PRSS23: variants seen among roughly 807,000 people sequenced by gnomAD.
PRSS23 encodes serine protease 23.
A neutral mutation model predicts 34.7 loss-of-function variants in PRSS23; 25 were observed. The ratio of observed to expected loss-of-function variants is 0.72; its 90% confidence interval spans 0.53 to 1.01. PRSS23 has a LOEUF of 1.01. Among genes scored for constraint, PRSS23 ranks in the 50% least tolerant of loss-of-function variants. The pLI is 0.00. For missense variants in PRSS23, 445 were observed against 475.6 expected (o/e 0.94, Z 0.60); for synonymous variants, 176 against 186.6 (o/e 0.94, Z 0.46).
At chr11:86,939,735 C>G (rs994919519) in intron 2 of PRSS23, among the ~76,000 whole-genome samples, 1 of 137,486 alleles carries the variant, frequency 7.3e-6, no homozygotes, top group African/African-American at 2.7e-5. Context: ...GATGTAAATC[C>G]AAAAGGAAGG....
intron 2 of PRSS23, among the ~76,000 whole-genome samples, chr11:86,840,374 C>G (rs1018296496): frequency 2.0e-5 from 3 of 152,082 alleles, no homozygotes; most frequent in African/African-American, 7.2e-5. Context: ...CAAAGAAGGC[C>G]ACTACATAAT....
At chr11:86,870,220 C>T (rs1175159575) in intron 2 of PRSS23, among the ~76,000 whole-genome samples, 1 of 150,938 alleles carries the variant, frequency 6.6e-6, no homozygotes, top group Non-Finnish European at 1.5e-5. Flanking sequence ...TGTGCCTTGG[C>T]GCTACAGAGA....
At chr11:86,950,847 G>A (rs1377290461) in intron 2 of PRSS23, 8 of 468,138 alleles carry the variant, frequency 1.7e-5, no homozygotes, top group Admixed American at 3.3e-5. Context: ...TGGAATCTAG[G>A]CAGGACCTCC....
At chr11:86,936,084 T>G (rs1949159977) in intron 2 of PRSS23, 1 of 152,092 alleles carries the variant, frequency 6.6e-6, no homozygotes, top group African/African-American at 2.4e-5. Flanking sequence ...CATAGCAATT[T>G]GCAGGCCCAG....
intron 2 of PRSS23, chr11:86,832,983 G>T (rs1948372210): frequency 1.5e-5 from 6 of 401,136 alleles, no homozygotes; most frequent in South Asian, 1.3e-4. Flanking sequence ...AAATTGTGCA[G>T]CTGGGAGTCT....
In PRSS23 at chr11:86,807,660, G is replaced by A; in HGVS notation, c.17G>A (p.Gly6Glu). The A allele has an allele frequency of 6.2e-7, 1 of 1,610,546 alleles. No individual in the cohort carries two copies. The highest frequency in any genetic ancestry group is 8.5e-7 in the Non-Finnish European group (1 of 1,177,776). ...GTGCTCGGCATGGCAGGGATTCCAG[G>A]GCTCCTCTTCCTTCTCTTCTTTCTG... is the stretch of plus-strand genomic sequence containing the variant. MAGIP[G>E]LLFLLFFLLC... Residue 6 changes from glycine (G) to glutamate (E), a missense_variant, in exon 2 of 2, where the codon GGG becomes GAG. Coordinates refer to ENST00000280258, the MANE Select transcript of PRSS23 (RefSeq NM_007173.6).
At chr11:86,816,641 G>A (rs1185667295) in intron 1 of PRSS23, among the ~76,000 whole-genome samples, 2 of 152,184 alleles carry the variant, frequency 1.3e-5, no homozygotes, top group African/African-American at 4.8e-5. Context: ...CTGTGGATAA[G>A]GCATTCTGGG....
chr11:86,882,783 C>T (rs759429434), intron 2 of PRSS23, among the ~76,000 whole-genome samples: 1 of 152,204 alleles, frequency 6.6e-6, no homozygotes, highest in Admixed American at 6.5e-5. Context: ...GCCACATTGT[C>T]TTCCACAATG....
intron 1 of PRSS23, among the ~76,000 whole-genome samples, chr11:86,807,395 TAGAA>T (rs1948113688): frequency 6.6e-6 from 1 of 152,114 alleles, no homozygotes; most frequent in Non-Finnish European, 1.5e-5. Context: ...ATCTTAAACA[TAGAA>T]AGGAAGGAAC....
chr11:86,904,681 A>C (rs1948931009), intron 2 of PRSS23, among the ~76,000 whole-genome samples: 1 of 152,124 alleles, frequency 6.6e-6, no homozygotes, highest in Admixed American at 6.6e-5. Flanking sequence ...TATTACACTA[A>C]ACTCTGCCAT....
chr11:86,823,805 G>A (rs2134877091), intron 2 of PRSS23, among the ~76,000 whole-genome samples: 1 of 152,058 alleles, frequency 6.6e-6, no homozygotes, highest in African/African-American at 2.4e-5. Context: ...AGGAGATCGA[G>A]ACCATCCTGG....
chr11:86,833,705 A>G (rs563536874), intron 2 of PRSS23, among the ~76,000 whole-genome samples: 1 of 152,144 alleles, frequency 6.6e-6, no homozygotes, highest in Admixed American at 6.5e-5. Flanking sequence ...GTCGGGCGTG[A>G]GCTAAGTTGC....
chr11:86,932,117 G>T (rs1321761169), intron 2 of PRSS23, among the ~76,000 whole-genome samples: 1 of 152,130 alleles, frequency 6.6e-6, no homozygotes, highest in African/African-American at 2.4e-5. Flanking sequence ...ATGAAGGGCT[G>T]GGGGGTGATT....
At chr11:86,928,705 A>ATATAT (rs58170928) in intron 2 of PRSS23, among the ~76,000 whole-genome samples, 1 of 51,292 alleles carries the variant, frequency 1.9e-5, no homozygotes, top group African/African-American at 5.9e-5. Flanking sequence ...AAAAAAAAAA[A>ATATAT]ATTGGCAAGA....
intron 2 of PRSS23, among the ~76,000 whole-genome samples, chr11:86,916,857 G>A (rs555716144): frequency 1.1e-4 from 17 of 152,158 alleles, no homozygotes; most frequent in East Asian, 7.7e-4. Context: ...AAACTTATAC[G>A]TCTGCCACCC....
intron 2 of PRSS23, among the ~76,000 whole-genome samples, chr11:86,914,008 C>T (rs1192595559): frequency 1.4e-5 from 2 of 146,748 alleles, no homozygotes; most frequent in Non-Finnish European, 3.0e-5. Flanking sequence ...AGTTTGAGAC[C>T]GGCCTGACGA....
Position 86,807,958 on chromosome 11 carries a change from C to T in PRSS23, c.315C>T (p.Ile105=), listed in dbSNP as rs1468955885. ...SRTETQVGIY[I]LSSSGDGAQH... ...CAGAGACGCAGGTGGGCATCTACAT[C>T]CTCAGCAGTAGTGGAGATGGGGCCC... is the stretch of plus-strand genomic sequence containing the variant. The change falls in exon 2 of 2, where the codon ATC becomes ATT. Residue 105 remains isoleucine (I), a synonymous_variant. Transcript: ENST00000280258. 1 of 1,614,128 alleles carries T rather than the reference C, an allele frequency of 6.2e-7. No homozygotes were observed. Among genetic ancestry groups the T allele is most frequent in the Non-Finnish European group, 8.5e-7 (1 of 1,180,028 alleles).
rs184604231 is a variant in PRSS23, at chr11:86,832,689, C to T, written c.206+9096C>T. Reference sequence around the variant, plus strand: ...ACATCTGAACTCAGGTACCCCCCAACGACTTTTCCATAAAATAAGCAAACA... The same window carrying T: ...ACATCTGAACTCAGGTACCCCCCAATGACTTTTCCATAAAATAAGCAAACA... On this transcript the variant is annotated intron_variant, in intron 2 of 2. Coordinates refer to the PRSS23 transcript ENST00000533902. 485 of 352,760 alleles carry T rather than the reference C, an allele frequency of 1.4e-3. 2 individuals are homozygous for T. The highest frequency in any genetic ancestry group is 9.7e-3 in the African/African-American group (454 of 46,582). 21.9% of individuals were successfully genotyped at this position (352,760 alleles called of 1,614,324 possible).
intron 1 of PRSS23, among the ~76,000 whole-genome samples, chr11:86,795,076 G>A (rs1170437969): frequency 6.6e-6 from 1 of 152,108 alleles, no homozygotes; most frequent in Non-Finnish European, 1.5e-5. Flanking sequence ...GTGTCAACGG[G>A]AGTCCTGGGA....
Sources: allele counts gnomAD v4.1 joint callset (sites outside exome capture counted in the v4.1 genomes callset), GRCh38; gene constraint gnomAD v4.1.1; transcripts MANE v1.5; gene names NCBI Gene and HGNC (gene_info 2026-07-23, HGNC 2026-07-21).